The following CLTCL1 variants were observed in gnomAD, a reference collection of about 807,000 sequenced individuals.
The protein encoded by CLTCL1 is clathrin heavy chain 2.
A neutral mutation model predicts 190.0 loss-of-function variants in CLTCL1; 159 were observed. The ratio of observed to expected loss-of-function variants is 0.84; its 90% CI spans 0.74 to 0.95. The LOEUF (loss-of-function observed/expected upper bound fraction) is 0.95, where lower values mean the gene tolerates loss of function less well. Ranked by LOEUF, CLTCL1 falls within the 40% of genes least tolerant of loss-of-function variation. The pLI is 0.00. For missense variants in CLTCL1, 1,878 were observed against 2,033.4 expected (o/e 0.92, Z 1.47); for synonymous variants, 752 against 769.6 (o/e 0.98, Z 0.38).
rs529287340 is a variant in CLTCL1 at position 19,242,940 on chromosome 22, A to C, written c.520-4T>G. 77 of 1,612,302 alleles carry C rather than the reference A, an allele frequency of 4.8e-5. No homozygotes were observed. In the South Asian group the frequency reaches 8.0e-4, roughly 17 times the overall value. ...TTGCTCCAACCACACGGTTTTGCTA[A>C]GAAAAGATATTATGCAATGAAAGGG... On this transcript the variant is annotated splice_region_variant and splice_polypyrimidine_tract_variant and intron_variant, in intron 3 of 32. Transcript: ENST00000427926.
In CLTCL1 at chr22:19,221,405, C is replaced by T. The variant is rs374574720; in HGVS notation, c.2768G>A (p.Arg923Gln). Residue 923 changes from arginine to glutamine, a missense_variant, in exon 17 of 33, where the codon CGG becomes CAG. Physicochemically the swap from Arg to Gln is conservative, Grantham distance 43. Transcript: ENST00000427926. ...DPHLACVAYE[R>Q]GQCDLELIKV... ...GATGAGCTCAAGGTCACACTGCCCC[C>T]GCTCATAGGCAACACAGGCCAGATG... is the stretch of plus-strand genomic sequence containing the variant. The T allele has an allele frequency of 4.2e-5, 65 of 1,555,266 alleles. No individual in the cohort carries two copies. Among genetic ancestry groups the T allele is most frequent in the South Asian group, 3.9e-4 (33 of 84,244 alleles).
At position 19,196,549 on chromosome 22, in the gene CLTCL1, G is replaced by C; in HGVS notation, c.3981C>G (p.Phe1327Leu). 6.2e-7 allele frequency: 1 copy of C among 1,613,942 alleles called. No homozygotes were observed. The highest frequency in any genetic ancestry group is 8.5e-7 in the Non-Finnish European group (1 of 1,179,852). Residue 1327 changes from phenylalanine to leucine, a missense_variant, in exon 25 of 33, where the codon TTC becomes TTG. Coordinates refer to ENST00000427926, the MANE Select transcript of CLTCL1 (RefSeq NM_007098.4). Reference protein sequence around the residue: ...FTELAILYSKFKPQKMLEHLE... With the variant: ...FTELAILYSKLKPQKMLEHLE... The stretch of plus-strand genomic sequence containing the variant: ...GATGCTCCAGCATCTTCTGTGGCTT[G>C]AATTTGGAGTAGAGGATGGCCAGCT...
intron 11 of CLTCL1, 44 bp downstream of exon 11, chr22:19,229,794 C>A (rs1555957841): frequency 1.3e-6 from 2 of 1,548,156 alleles, no homozygotes; most frequent in South Asian, 1.2e-5. Flanking sequence ...CAGAGAGGTG[C>A]CACAGGTGCT....
chr22:19,258,283 A>G, intron 2 of CLTCL1: 1 of 364,404 alleles, frequency 2.7e-6, no homozygotes, highest in Non-Finnish European at 5.3e-6. Context: ...TGGGCCCAAT[A>G]TGACAAGCTG....
intron 31 of CLTCL1, 74 bp from the exon 32 acceptor site, chr22:19,180,312 C>T: frequency 6.8e-7 from 1 of 1,465,850 alleles, no homozygotes; most frequent in Non-Finnish European, 9.5e-7. Flanking sequence ...CGGCGTGCTG[C>T]ACACTCACAC....
rs2086841619 is a variant in CLTCL1 at position 19,258,563 on chromosome 22, G to A, written c.251-4336C>T. ...TCCTACTGTACCTGGAGTCGGAGCT[G>A]GCACAGACCTGGGCAGAGGGACAGC... On this transcript the variant is annotated intron_variant, in intron 2 of 32. Transcript: ENST00000427926. 1.5e-5 allele frequency: 9 copies of A among 595,404 alleles called. 1 individual carries two copies. Among genetic ancestry groups the A allele is most frequent in the South Asian group, 1.4e-4 (9 of 66,346 alleles). The allele number at this position is 595,404 out of a possible 1,614,324, so 36.9% of individuals were successfully genotyped here.
intron 29 of CLTCL1, chr22:19,184,291 C>T (rs2084238436): frequency 8.5e-6 from 3 of 351,260 alleles, no homozygotes; most frequent in South Asian, 6.3e-5. Context: ...CCCAGGGCCA[C>T]TCCACCTGGA....
intron 27 of CLTCL1, among the ~76,000 whole-genome samples, chr22:19,188,793 T>C (rs1417156265): frequency 1.3e-5 from 2 of 151,972 alleles, no homozygotes; most frequent in Non-Finnish European, 2.9e-5. Flanking sequence ...TTTGTATTTT[T>C]AGTAGAGACA....
chr22:19,252,533 T>C lies in CLTCL1; in HGVS notation c.519+1426A>G, dbSNP rs200326306. Among the ~76,000 whole-genome samples, 36 of 152,348 alleles carry C rather than the reference T, an allele frequency of 2.4e-4. No individual in the cohort carries two copies. In the East Asian group the frequency reaches 6.4e-3, roughly 27 times the overall value. On this transcript the variant is annotated intron_variant, in intron 3 of 32. Coordinates refer to ENST00000427926, the MANE Select transcript of CLTCL1 (RefSeq NM_007098.4). ...TGTCTTGACTTAAGCTGCTCTCTCA[T>C]GGCTCCCACAGTATTCTCTTCAAAC... is the stretch of plus-strand genomic sequence containing the variant.
Position 19,198,075 on chromosome 22 carries a change from C to G in CLTCL1, c.3874-1419G>C, listed in dbSNP as rs1314354003. Among the ~76,000 whole-genome samples, 1 of 152,192 alleles carries G rather than the reference C, an allele frequency of 6.6e-6. No homozygotes were observed. Among genetic ancestry groups the G allele is most frequent in the African/African-American group, 2.4e-5 (1 of 41,432 alleles). ...AGCACCATGTGTCCAAAAAGTAATT[C>G]TTGTCCTTCCCTCCCGTGCTGCACC... On this transcript the variant is annotated intron_variant, in intron 24 of 32. Transcript: ENST00000427926. This position sits in a 1 kb window ranked among gnomAD's most constrained non-coding sequence, Gnocchi z 4.1.
intron 22 of CLTCL1, among the ~76,000 whole-genome samples, chr22:19,204,981 A>C (rs1358296335): frequency 6.6e-6 from 1 of 152,196 alleles, no homozygotes; most frequent in Non-Finnish European, 1.5e-5. Flanking sequence ...CTGACTCAGG[A>C]GAACCCTGTT....
At chr22:19,194,946 A>T (rs1474173342) in intron 26 of CLTCL1, among the ~76,000 whole-genome samples, 2 of 152,172 alleles carry the variant, frequency 1.3e-5, no homozygotes, top group African/African-American at 4.8e-5. Flanking sequence ...AGCATCATGA[A>T]TCACACAAGG....
At chr22:19,183,836 G>A in intron 29 of CLTCL1, 1 of 560,218 alleles carries the variant, frequency 1.8e-6, no homozygotes, top group South Asian at 2.0e-5. Context: ...GGCTCACGGA[G>A]GCGCAGGTGC....
chr22:19,232,263 T>A (rs947518017), intron 10 of CLTCL1, among the ~76,000 whole-genome samples: 2 of 151,828 alleles, frequency 1.3e-5, no homozygotes, highest in Non-Finnish European at 2.9e-5. Context: ...AAACAAACAT[T>A]CTCTAAAGTA....
In CLTCL1 at chr22:19,230,121, G is replaced by T. The variant is rs1354760218; in HGVS notation, c.1645-146C>A. 1.8e-4 allele frequency: 141 copies of T among 773,224 alleles called. 2 individuals carry two copies. The highest frequency in any genetic ancestry group is 2.1e-4 in the Non-Finnish European group (108 of 521,512). 47.9% of individuals were successfully genotyped at this position (773,224 alleles called of 1,614,324 possible). A position where few individuals can be genotyped will look rare whatever the true frequency, so the allele number is the denominator to read the frequency against. ...TGGTTTTTTTTTTTTTTTTGAGATG[G>T]AGTCTCGCTCTGTCACCCAGGCTAG... On this transcript the variant is annotated intron_variant, in intron 10 of 32. Coordinates refer to ENST00000427926, the MANE Select transcript of CLTCL1 (RefSeq NM_007098.4).
chr22:19,188,994 C>G (rs1470184444), intron 27 of CLTCL1, among the ~76,000 whole-genome samples: 1 of 151,750 alleles, frequency 6.6e-6, no homozygotes, highest in Non-Finnish European at 1.5e-5. Context: ...ATCTCTGCCT[C>G]CTGGGTTCAA....
At chr22:19,273,808 A>G (rs2087404392) in intron 2 of CLTCL1, among the ~76,000 whole-genome samples, 1 of 151,866 alleles carries the variant, frequency 6.6e-6, no homozygotes, top group South Asian at 2.1e-4. Flanking sequence ...AAATCATCCA[A>G]CCAAAGCCCA....
rs150842974 is a variant in CLTCL1, at chr22:19,286,953, G to A, written c.42+4647C>T. 7.4e-3 allele frequency among the ~76,000 whole-genome samples: 1,125 copies of A among 152,318 alleles called. 13 individuals are homozygous for A. The highest frequency in any genetic ancestry group is 9.6e-3 in the Non-Finnish European group (654 of 68,032). On this transcript the variant is annotated intron_variant, in intron 1 of 32. Transcript: ENST00000427926. ...CACCTGTTTCAAACACCGCCTCAGAGACACTTTGAGGGAACATGTTTACGT... is the reference window on the plus strand; with the variant it reads ...CACCTGTTTCAAACACCGCCTCAGAAACACTTTGAGGGAACATGTTTACGT...
intron 26 of CLTCL1, among the ~76,000 whole-genome samples, chr22:19,194,203 A>G (rs1477804302): frequency 6.6e-6 from 1 of 152,200 alleles, no homozygotes; most frequent in African/African-American, 2.4e-5. Flanking sequence ...GCTGGACACA[A>G]AATTTCTCCA....
Sources: gnomAD v4.1 joint callset for allele counts (sites outside exome capture counted in the v4.1 genomes callset) on GRCh38, gnomAD v4.1.1 for gene constraint, Gnocchi (gnomAD v3.1) non-coding constraint, MANE v1.5 for transcripts, NCBI Gene and HGNC (gene_info 2026-07-23, HGNC 2026-07-21) for gene names.